CHD9: variants seen among roughly 807,000 people sequenced by gnomAD.
CHD9 encodes ATP-dependent chromatin remodeler CHD9.
A neutral mutation model predicts 316.1 loss-of-function variants in CHD9; 77 were observed. The ratio of observed to expected loss-of-function variants is 0.24; its 90% confidence interval spans 0.20 to 0.29. The LOEUF (loss-of-function observed/expected upper bound fraction) is 0.29, where lower values mean the gene tolerates loss of function less well. Among genes scored for constraint, CHD9 ranks in the 10% least tolerant of loss-of-function variants. CHD9 has a pLI of 1.00. For missense variants in CHD9, 2,763 were observed against 3,438.1 expected, an observed-to-expected ratio of 0.80 and a Z score of 4.91; for synonymous variants, 1,129 against 1,158.3, an observed-to-expected ratio of 0.97 and a Z score of 0.51.
chr16:53,287,727 C>A (rs541651890), intron 26 of CHD9, among the ~76,000 whole-genome samples: 43 of 151,730 alleles, frequency 2.8e-4, no homozygotes, highest in Non-Finnish European at 4.7e-4. Flanking sequence ...AACTCCGTCT[C>A]AAAAAAAATA....
intron 1 of CHD9, among the ~76,000 whole-genome samples, chr16:53,143,477 TC>T (rs1031800031): frequency 6.6e-6 from 1 of 151,696 alleles, no homozygotes; most frequent in Non-Finnish European, 1.5e-5. Context: ...AAGCTCCGCC[TC>T]CCGGGTTCAT....
chr16:53,066,602 G>A (rs770319932), intron 1 of CHD9, among the ~76,000 whole-genome samples: 1 of 152,124 alleles, frequency 6.6e-6, no homozygotes, highest in South Asian at 2.1e-4. Context: ...CCCTAGGAAG[G>A]CTGCTAGTCT....
chr16:53,127,814 G>A (rs2039036932), intron 1 of CHD9, among the ~76,000 whole-genome samples: 2 of 151,790 alleles, frequency 1.3e-5, no homozygotes, highest in Admixed American at 6.6e-5. Flanking sequence ...CAAGCTGCTC[G>A]GGAGGCTGAG....
Position 53,225,012 on chromosome 16 carries a change from A to G in CHD9, c.1897-1354A>G, listed in dbSNP as rs77255227. On this transcript the variant is annotated intron_variant, in intron 4 of 38. Coordinates refer to ENST00000447540, the MANE Select transcript of CHD9 (RefSeq NM_001308319.2). Reference sequence around the variant, plus strand: ...GGCCAAGAGACATTCGACCCATCCTACATGAGGCATGGTGTTATCTAGTAC... The same window carrying G: ...GGCCAAGAGACATTCGACCCATCCTGCATGAGGCATGGTGTTATCTAGTAC... Among the ~76,000 whole-genome samples the G allele has an allele frequency of 4.7e-4, 71 of 152,246 alleles. No homozygotes were observed. The East Asian group carries it at 0.013, about 27-fold the overall frequency.
chr16:53,142,940 A>T (rs2040236411), intron 1 of CHD9, among the ~76,000 whole-genome samples: 1 of 152,196 alleles, frequency 6.6e-6, no homozygotes, highest in South Asian at 2.1e-4. Context: ...CCTCTGATGC[A>T]AGGCCTTCTG....
At chr16:53,238,306 C>T in intron 11 of CHD9, 37 bp from the exon 12 acceptor site, 16 of 1,518,306 alleles carry the variant, frequency 1.1e-5, no homozygotes, top group South Asian at 3.9e-5. Flanking sequence ...GAAAAAAAAC[C>T]CAATGTATGC....
intron 13 of CHD9, among the ~76,000 whole-genome samples, chr16:53,243,983 T>C (rs1457351576): frequency 6.6e-6 from 1 of 152,178 alleles, no homozygotes; most frequent in Non-Finnish European, 1.5e-5. Flanking sequence ...TCCAGTATGG[T>C]TTCCTGTTTA....
intron 1 of CHD9, among the ~76,000 whole-genome samples, chr16:53,104,744 G>A (rs973058749): frequency 1.5e-4 from 23 of 151,524 alleles, no homozygotes; most frequent in Admixed American, 1.4e-3. Context: ...CCCAGGAGGC[G>A]GAGGTTGCAG....
rs1460645076 is a variant in CHD9, at chr16:53,156,775, A to G, written c.686A>G (p.Gln229Arg). Residue 229 changes from glutamine to arginine, a missense_variant, in exon 2 of 39, where the codon CAG (glutamine) becomes CGG (arginine). Physicochemically the swap from Gln to Arg is conservative, Grantham distance 43 (BLOSUM62 1). Around this residue, in one of 15 missense-constraint regions of CHD9, gnomAD observed 859 missense variants for 890.4 expected, o/e 0.96. Transcript: ENST00000447540. ...AATTCACAACAGTCTATTTCAATGC[A>G]GCAATTTTCTCAAACGTCAAATCCT... ...ASNSQQSISM[Q>R]QFSQTSNPSA... 1 of 1,613,808 alleles carries G rather than the reference A, an allele frequency of 6.2e-7. No individual in the cohort carries two copies. The highest frequency in any genetic ancestry group is 2.2e-5 in the East Asian group (1 of 44,886).
At chr16:53,083,140 A>C (rs531190257) in intron 1 of CHD9, among the ~76,000 whole-genome samples, 1 of 152,254 alleles carries the variant, frequency 6.6e-6, no homozygotes, top group African/African-American at 2.4e-5. Context: ...AAAGGTCCCC[A>C]TAGGAGGGTA....
At position 53,249,978 on chromosome 16, in the gene CHD9, C is replaced by G. The variant is rs2049993890; in HGVS notation, c.3773C>G (p.Thr1258Ser). 6.2e-7 allele frequency: 1 copy of G among 1,613,670 alleles called. No homozygotes were observed. The highest frequency in any genetic ancestry group is 8.5e-7 in the Non-Finnish European group (1 of 1,179,750). ...DSDRFVFLLC[T>S]RAGGLGINLT... ...GATAGATTTGTTTTTCTCCTGTGTA[C>G]CCGAGCTGGTGGGTTGGGCATCAAC... The change falls in exon 17 of 39, where the codon ACC becomes AGC. Residue 1258 changes from threonine (T) to serine (S), a missense_variant. Thr to Ser is a moderately conservative substitution (Grantham distance 58). Transcript: ENST00000447540.
chr16:53,202,207 T>C (rs1227955826), intron 2 of CHD9, among the ~76,000 whole-genome samples: 4 of 152,044 alleles, frequency 2.6e-5, no homozygotes, highest in Non-Finnish European at 5.9e-5. Context: ...GTTTCACACC[T>C]AAAAAAGATA....
chr16:53,119,620 A>G (rs12920505), intron 1 of CHD9, among the ~76,000 whole-genome samples: 80,034 of 151,960 alleles, frequency 0.53, 23,588 homozygotes, highest in Non-Finnish European at 0.67. Flanking sequence ...ATCACCTGAG[A>G]TCAGGAGTTC....
chr16:53,075,610 C>T (rs891910294), intron 1 of CHD9, among the ~76,000 whole-genome samples: 17 of 151,898 alleles, frequency 1.1e-4, no homozygotes, highest in African/African-American at 3.6e-4. Flanking sequence ...GGTTTTATTC[C>T]GGGGGTGGGG....
At chr16:53,311,780 C>T (rs1327210975) in intron 34 of CHD9, 1 of 152,160 alleles carries the variant, frequency 6.6e-6, no homozygotes, top group Non-Finnish European at 1.5e-5. Context: ...CATTTACTGG[C>T]TATTGTGACA....
intron 24 of CHD9, among the ~76,000 whole-genome samples, chr16:53,282,780 T>C (rs982647948): frequency 1.3e-5 from 2 of 152,352 alleles, no homozygotes; most frequent in South Asian, 2.1e-4. Flanking sequence ...TTTACCTTTG[T>C]TGACCACTTC....
intron 2 of CHD9, among the ~76,000 whole-genome samples, chr16:53,197,718 G>A (rs370266134): frequency 8.1e-4 from 122 of 149,746 alleles, no homozygotes; most frequent in African/African-American, 2.6e-3. Flanking sequence ...GTGCAGTGGT[G>A]CGATCTCTGC....
At chr16:53,083,744 T>G (rs1444520988) in intron 1 of CHD9, among the ~76,000 whole-genome samples, 1 of 148,012 alleles carries the variant, frequency 6.8e-6, no homozygotes, top group African/African-American at 2.5e-5. Context: ...CCCCCCGACT[T>G]CTTTGTTTTA....
intron 1 of CHD9, among the ~76,000 whole-genome samples, chr16:53,074,654 G>C (rs979665249): frequency 6.6e-6 from 1 of 152,212 alleles, no homozygotes; most frequent in African/African-American, 2.4e-5. Flanking sequence ...GCTTCGGAGG[G>C]TGCAAGCACC....
Sources: gnomAD v4.1 joint callset for allele counts (sites outside exome capture counted in the v4.1 genomes callset) on GRCh38, gnomAD v4.1.1 for gene constraint, gnomAD v4.1.1 regional missense constraint, MANE v1.5 for transcripts, NCBI Gene and HGNC (gene_info 2026-07-23, HGNC 2026-07-21) for gene names.